ABCG5: variants seen among roughly 807,000 people sequenced by gnomAD.
The protein encoded by ABCG5 is ATP-binding cassette sub-family G member 5.
Under a neutral mutation model 64.5 loss-of-function variants are expected in ABCG5, and 64 were observed. That is an observed-to-expected ratio of 0.99 (90% CI 0.81 to 1.22). The LOEUF (loss-of-function observed/expected upper bound fraction) is 1.22. Among genes scored for constraint, ABCG5 ranks in the 50% most tolerant of loss-of-function variants. The pLI, the probability that ABCG5 is intolerant of heterozygous loss-of-function variation, is 0.00. For synonymous variants in ABCG5, 385 were observed against 326.3 expected (o/e 1.18, Z -1.94); for missense variants, 908 against 829.5 (o/e 1.09, Z -1.16).
intron 5 of ABCG5, among the ~76,000 whole-genome samples, chr2:43,827,090 C>A (rs1667658172): frequency 6.6e-6 from 1 of 152,098 alleles, no homozygotes; most frequent in Non-Finnish European, 1.5e-5. Context: ...TTTGGGAGGT[C>A]AAGGCAGGCA....
At position 43,816,948 on chromosome 2, in the gene ABCG5, A is replaced by C. The variant is rs183881810; in HGVS notation, c.1650-2359T>G. Among the ~76,000 whole-genome samples, 96 of 152,360 alleles carry C rather than the reference A, an allele frequency of 6.3e-4. 2 individuals carry two copies. Among genetic ancestry groups the C allele is most frequent in the Non-Finnish European group, 1.8e-4 (12 of 68,040 alleles). On this transcript the variant is annotated intron_variant, in intron 11 of 12. Coordinates refer to ENST00000405322, the MANE Select transcript of ABCG5 (RefSeq NM_022436.3). ...TGTAAGCAGAAAACACAGCAAAGCT[A>C]ATTTCCTTTGTGTTTAAAAGAGAAG... is the stretch of plus-strand genomic sequence containing the variant.
intron 10 of ABCG5, among the ~76,000 whole-genome samples, chr2:43,821,880 C>T (rs550037067): frequency 2.6e-5 from 4 of 152,122 alleles, no homozygotes; most frequent in African/African-American, 9.6e-5. Context: ...CTCTCTCCCC[C>T]TCTCTTCCCG....
Position 43,827,975 on chromosome 2 carries a change from C to A in ABCG5, c.634+8G>T. On this transcript the variant is annotated splice_region_variant and intron_variant, in intron 5 of 12. Transcript: ENST00000405322. ...CAGCAGCTAGTAACAGTTCTGGGTG[C>A]CACTTACTAGGATCCTGGAGCAGCT... The A allele has an allele frequency of 6.2e-7, 1 of 1,613,868 alleles. No individual in the cohort carries two copies. Among genetic ancestry groups the A allele is most frequent in the Non-Finnish European group, 8.5e-7 (1 of 1,179,978 alleles).
intron 11 of ABCG5, 74 bp downstream of exon 11, chr2:43,819,841 T>G: frequency 6.6e-7 from 1 of 1,508,164 alleles, no homozygotes; most frequent in Non-Finnish European, 9.2e-7. Context: ...GGTATTCCTT[T>G]ACTTCAGTCA....
At chr2:43,832,861 G>T (rs1044732115) in intron 2 of ABCG5, among the ~76,000 whole-genome samples, 5 of 152,192 alleles carry the variant, frequency 3.3e-5, no homozygotes, top group Non-Finnish European at 7.3e-5. Flanking sequence ...CCAGGCTGGA[G>T]TGCAGTGGCA....
rs1256945201 is a variant in ABCG5 at position 43,831,993 on chromosome 2, G to A, written c.356C>T (p.Ala119Val). ...FLGEVYVNGRALRREQFQDCF... is the reference protein window; with the variant it reads ...FLGEVYVNGRVLRREQFQDCF... ...GTCCTGGAACTGCTCCCGGCGCAGC[G>A]CCCGGCCGTTCACATACACCTCCCC... The change falls in exon 3 of 13, where the codon GCG (alanine) becomes GTG (valine). Residue 119 changes from alanine to valine, a missense_variant. By Grantham distance (64) the Ala-to-Val change is moderately conservative. Coordinates refer to ENST00000405322, the MANE Select transcript of ABCG5 (RefSeq NM_022436.3). 6.4e-7 allele frequency: 1 copy of A among 1,555,798 alleles called. No homozygotes were observed. The highest frequency in any genetic ancestry group is 1.2e-5 in the South Asian group (1 of 84,370).
downstream of ABCG5, chr2:43,809,726 A>T (rs577563169): frequency 6.2e-7 from 1 of 1,612,054 alleles, no homozygotes; most frequent in East Asian, 2.2e-5. Context: ...GTACAAAAGA[A>T]GTTCTTCCAA....
At chr2:43,824,608 G>A in intron 7 of ABCG5, 176 bp from the exon 8 acceptor site, 1 of 985,408 alleles carries the variant, frequency 1.0e-6, no homozygotes, top group Non-Finnish European at 1.2e-6. Flanking sequence ...AGGGCCTTGA[G>A]GATCCCATTG....
downstream of ABCG5, among the ~76,000 whole-genome samples, chr2:43,808,717 C>G (rs1666364809): frequency 6.6e-6 from 1 of 152,134 alleles, no homozygotes; most frequent in South Asian, 2.1e-4. Context: ...TGCCCTCTCC[C>G]TATCTGTGTG....
chr2:43,813,070 T>C lies in ABCG5; in HGVS notation c.*46A>G, dbSNP rs1241681550. ...TCATTTCAGACGTTCAGAGCAGTCA[T>C]GCACAGTCGGCAGCTTCACTTCCAT... On this transcript the variant is annotated 3_prime_UTR_variant, in exon 13 of 13. Coordinates refer to ENST00000405322, the MANE Select transcript of ABCG5 (RefSeq NM_022436.3). 1.2e-6 allele frequency: 1 copy of C among 811,598 alleles called. No individual in the cohort carries two copies. The highest frequency in any genetic ancestry group is 1.7e-5 in the Admixed American group (1 of 58,328). 50.3% of individuals were successfully genotyped at this position (811,598 alleles called of 1,614,324 possible). A position where few individuals can be genotyped will look rare whatever the true frequency, so the allele number is the denominator to read the frequency against.
At chr2:43,830,651 G>C (rs991771470) in intron 4 of ABCG5, among the ~76,000 whole-genome samples, 9 of 152,224 alleles carry the variant, frequency 5.9e-5, no homozygotes, top group African/African-American at 1.9e-4. Flanking sequence ...GCTCAGAAAT[G>C]ACTCTCAATT....
At position 43,823,926 on chromosome 2, in the gene ABCG5, G is replaced by A. The variant is rs575266356; in HGVS notation, c.1311C>T (p.Asn437=). The A allele has an allele frequency of 8.0e-5, 129 of 1,614,142 alleles. No individual in the cohort carries two copies. Among genetic ancestry groups the A allele is most frequent in the South Asian group, 7.7e-4 (70 of 91,074 alleles). Reference sequence around the variant, plus strand: ...GTGGGCACTTACACAGATTCACAGCGTTCAGCATGCCTGTGTACGGGGTGG... The same window carrying A: ...GTGGGCACTTACACAGATTCACAGCATTCAGCATGCCTGTGTACGGGGTGG... ...VGATPYTGML[N]AVNLFPVLRA... Residue 437 remains asparagine (N), a synonymous_variant, in exon 9 of 13, where the codon AAC becomes AAT. Coordinates refer to ENST00000405322, the MANE Select transcript of ABCG5 (RefSeq NM_022436.3).
At chr2:43,816,324 A>G (rs1666820720) in intron 11 of ABCG5, among the ~76,000 whole-genome samples, 1 of 152,206 alleles carries the variant, frequency 6.6e-6, no homozygotes. Flanking sequence ...GCAAAGGAAG[A>G]CCGTGACAGG....
chr2:43,822,999 C>T (rs1229248868), intron 9 of ABCG5, 64 bp from the exon 10 acceptor site: 2 of 1,595,698 alleles, frequency 1.3e-6, no homozygotes, highest in East Asian at 2.3e-5. Flanking sequence ...GGAGGGCTAG[C>T]CCAAGCTGAA....
At position 43,827,977 on chromosome 2, in the gene ABCG5, A is replaced by C. The variant is rs1397305308; in HGVS notation, c.634+6T>G. ...GCAGCTAGTAACAGTTCTGGGTGCCACTTACTAGGATCCTGGAGCAGCTGG... is the reference window on the plus strand; with the variant it reads ...GCAGCTAGTAACAGTTCTGGGTGCCCCTTACTAGGATCCTGGAGCAGCTGG... On this transcript the variant is annotated splice_donor_region_variant and intron_variant, in intron 5 of 12. Transcript: ENST00000405322. The C allele has an allele frequency of 1.9e-6, 3 of 1,613,956 alleles. No individual in the cohort carries two copies. In the Admixed American group the frequency reaches 5.0e-5, roughly 27 times the overall value.
chr2:43,811,478 G>A (rs150904191), downstream of ABCG5, among the ~76,000 whole-genome samples: 4 of 152,198 alleles, frequency 2.6e-5, no homozygotes, highest in Non-Finnish European at 4.4e-5. Flanking sequence ...AAGTTCATGC[G>A]CTCTCTACCA....
intron 4 of ABCG5, 98 bp downstream of exon 4, chr2:43,831,671 C>T: frequency 8.0e-7 from 1 of 1,245,492 alleles, no homozygotes; most frequent in Non-Finnish European, 1.1e-6. Flanking sequence ...GAGTGACGAG[C>T]AAAGGGAAGG....
At position 43,827,830 on chromosome 2, in the gene ABCG5, A is replaced by G. The variant is rs112929080; in HGVS notation, c.634+153T>C. On this transcript the variant is annotated intron_variant, in intron 5 of 12. Coordinates refer to ENST00000405322, the MANE Select transcript of ABCG5 (RefSeq NM_022436.3). ...AGGAAATGAACTGTACAGCATTTCC[A>G]AAAAAACTGGGTCCTCAGTTTGAAA... is the stretch of plus-strand genomic sequence containing the variant. Among the ~76,000 whole-genome samples, 378 of 152,268 alleles carry G rather than the reference A, an allele frequency of 2.5e-3. 3 individuals carry two copies. The highest frequency in any genetic ancestry group is 8.8e-3 in the African/African-American group (365 of 41,530).
chr2:43,817,703 A>G (rs756481408), intron 11 of ABCG5, among the ~76,000 whole-genome samples: 1 of 152,084 alleles, frequency 6.6e-6, no homozygotes, highest in Non-Finnish European at 1.5e-5. Context: ...TGAGGTCAGG[A>G]GTTTGAGACC....
Sources: gnomAD v4.1 joint callset for allele counts (sites outside exome capture counted in the v4.1 genomes callset) on GRCh38, gnomAD v4.1.1 for gene constraint, MANE v1.5 for transcripts, NCBI Gene and HGNC (gene_info 2026-07-23, HGNC 2026-07-21) for gene names.